Variants in PCDHGB5 observed in about 807,000 individuals in gnomAD.
PCDHGB5 encodes protocadherin gamma subfamily B, 5, also known as protocadherin gamma-B5.
In PCDHGB5, 48 loss-of-function variants were observed where a neutral mutation model predicts 62.9. That is an observed-to-expected ratio of 0.76 (90% CI 0.61 to 0.97). PCDHGB5 has a LOEUF of 0.97. Ranked by LOEUF, PCDHGB5 falls within the 50% of genes least tolerant of loss-of-function variation. The probability of loss-of-function intolerance (pLI) is 0.00; values close to 1 mark genes in which losing one functional copy is unlikely to be tolerated. For missense variants in PCDHGB5, 1,118 were observed against 1,198.6 expected (o/e 0.93, Z 0.99); for synonymous variants, 474 against 511.2 (o/e 0.93, Z 0.98).
At chr5:141,466,280 C>T (rs1181499549) in intron 1 of PCDHGB5, among the ~76,000 whole-genome samples, 1 of 152,142 alleles carries the variant, frequency 6.6e-6, no homozygotes, top group Admixed American at 6.6e-5. Flanking sequence ...AAGCAATCTT[C>T]CCACCTCAGG....
chr5:141,408,263 C>G, intron 1 of PCDHGB5: 1 of 1,606,854 alleles, frequency 6.2e-7, no homozygotes. Flanking sequence ...ATTTCCTTTG[C>G]TGCTGCCTTT....
chr5:141,475,550 TA>T (rs2099365126), intron 1 of PCDHGB5, among the ~76,000 whole-genome samples: 2 of 152,246 alleles, frequency 1.3e-5, no homozygotes, highest in Non-Finnish European at 2.9e-5. Context: ...AGGGTCCGGC[TA>T]ATTGTCTGTC....
chr5:141,489,254 C>T lies in PCDHGB5; in HGVS notation c.2398-5553C>T, dbSNP rs2099684538. 2 of 1,548,628 alleles carry T rather than the reference C, an allele frequency of 1.3e-6. No homozygotes were observed. Among genetic ancestry groups the T allele is most frequent in the African/African-American group, 1.4e-5 (1 of 73,008 alleles). ...GACTTCTGGGTCATGGGGCCCAAGA[C>T]ACTCCCACAGCTCGCTGGGAAATGG... is the stretch of plus-strand genomic sequence containing the variant. On this transcript the variant is annotated intron_variant, in intron 1 of 3. Transcript: ENST00000617380. This position sits in a 1 kb window ranked among gnomAD's most constrained non-coding sequence, Gnocchi z 4.5.
In PCDHGB5 at chr5:141,432,498, G is replaced by A. The variant is rs766191511; in HGVS notation, c.2397+31974G>A. Reference sequence around the variant, plus strand: ...TCCACTGGCGTGGAGCTGGCTCCCCGCTCCGCAGAGCCCGGCTACCTGGTG... The same window carrying A: ...TCCACTGGCGTGGAGCTGGCTCCCCACTCCGCAGAGCCCGGCTACCTGGTG... On this transcript the variant is annotated intron_variant, in intron 1 of 3. Coordinates refer to ENST00000617380, the MANE Select transcript of PCDHGB5 (RefSeq NM_018925.3). This position sits in a 1 kb window ranked among gnomAD's most constrained non-coding sequence, Gnocchi z 6.0. The A allele has an allele frequency of 1.9e-6, 3 of 1,614,106 alleles. No homozygotes were observed. The highest frequency in any genetic ancestry group is 2.5e-6 in the Non-Finnish European group (3 of 1,180,052).
intron 1 of PCDHGB5, among the ~76,000 whole-genome samples, chr5:141,459,109 C>A (rs1213203625): frequency 6.6e-6 from 1 of 152,174 alleles, no homozygotes; most frequent in Non-Finnish European, 1.5e-5. Context: ...TGCATTTTGA[C>A]AATTGTTTAC....
chr5:141,413,418 G>C (rs748857146), intron 1 of PCDHGB5: 1 of 1,614,084 alleles, frequency 6.2e-7, no homozygotes, highest in Admixed American at 1.7e-5. Context: ...TTTTCTCTCT[G>C]AACCCGCGCA....
chr5:141,496,513 G>A (rs1364297990), intron 2 of PCDHGB5, among the ~76,000 whole-genome samples: 1 of 152,140 alleles, frequency 6.6e-6, no homozygotes, highest in Non-Finnish European at 1.5e-5. Context: ...CAAGGACCCA[G>A]GAGCCCTTGG....
At chr5:141,482,761 ATT>A (rs2099571906) in intron 1 of PCDHGB5, among the ~76,000 whole-genome samples, 1 of 127,370 alleles carries the variant, frequency 7.9e-6, no homozygotes, top group Admixed American at 7.7e-5. Flanking sequence ...ATGGTATTTC[ATT>A]ATCACTGAAC....
Position 141,481,023 on chromosome 5 carries a change from A to G in PCDHGB5, c.2398-13784A>G, listed in dbSNP as rs546827260. On this transcript the variant is annotated intron_variant, in intron 1 of 3. Transcript: ENST00000617380. ...CAGTGAGCCCAGATCACACCACTGC[A>G]CTCCAGCCTGGGCGACAGAGCGAGA... Among the ~76,000 whole-genome samples the G allele has an allele frequency of 9.0e-4, 137 of 152,218 alleles. 1 individual carries two copies. The highest frequency in any genetic ancestry group is 3.2e-3 in the African/African-American group (132 of 41,516).
chr5:141,419,084 GC>G (rs1218012099), intron 1 of PCDHGB5: 1 of 1,613,802 alleles, frequency 6.2e-7, no homozygotes, highest in African/African-American at 1.3e-5. Flanking sequence ...AACAGATGAG[GC>G]CCTGGATCGG....
chr5:141,421,374 C>T, intron 1 of PCDHGB5: 1 of 1,614,062 alleles, frequency 6.2e-7, no homozygotes, highest in Non-Finnish European at 8.5e-7. Flanking sequence ...TGGGCAATAT[C>T]TCCAAGGACC....
At chr5:141,469,425 C>T (rs1035406646) in intron 1 of PCDHGB5, among the ~76,000 whole-genome samples, 1 of 151,622 alleles carries the variant, frequency 6.6e-6, no homozygotes, top group East Asian at 1.9e-4. Context: ...AAATATAAAA[C>T]TTAGCTGGGC....
intron 1 of PCDHGB5, among the ~76,000 whole-genome samples, chr5:141,406,226 A>G (rs888434232): frequency 4.6e-5 from 7 of 152,108 alleles, no homozygotes; most frequent in African/African-American, 1.7e-4. Flanking sequence ...TGGGAGGGCT[A>G]GCAAGCTATG....
intron 1 of PCDHGB5, chr5:141,414,747 C>T (rs556012378): frequency 6.2e-7 from 1 of 1,614,214 alleles, no homozygotes; most frequent in African/African-American, 1.3e-5. Flanking sequence ...TCAGATCCTT[C>T]GACTATGAGC....
chr5:141,415,740 GTTTTTTTTTTTTTT>G (rs57426385), intron 1 of PCDHGB5: 52 of 625,016 alleles, frequency 8.3e-5, no homozygotes, highest in East Asian at 4.1e-4. Context: ...GTTTATTAAG[GTTTTTTTTTTTTTT>G]TTTTTTTTTT....
chr5:141,491,712 G>A lies in PCDHGB5; in HGVS notation c.2398-3095G>A, dbSNP rs932849130. On this transcript the variant is annotated intron_variant, in intron 1 of 3. Coordinates refer to ENST00000617380, the MANE Select transcript of PCDHGB5 (RefSeq NM_018925.3). The surrounding 1 kb of genome is among the most constrained non-coding windows in gnomAD (Gnocchi z 6.9). Reference sequence around the variant, plus strand: ...GGGAGCGGAGCCAGGTGAGGGGCTCGGCGCCGCCCCGGGCGACCCCTGGGG... The same window carrying A: ...GGGAGCGGAGCCAGGTGAGGGGCTCAGCGCCGCCCCGGGCGACCCCTGGGG... The A allele has an allele frequency of 1.2e-6, 2 of 1,609,290 alleles. No homozygotes were observed. Among genetic ancestry groups the A allele is most frequent in the East Asian group, 2.2e-5 (1 of 44,760 alleles).
Position 141,418,145 on chromosome 5 carries a change from T to C in PCDHGB5, c.2397+17621T>C, listed in dbSNP as rs1329322927. On this transcript the variant is annotated intron_variant, in intron 1 of 3. Coordinates refer to ENST00000617380, the MANE Select transcript of PCDHGB5 (RefSeq NM_018925.3). ...GGACCGAATAGACCGTGAGCAAATATGCAAAGAGAGAAGAAGATGTGAGTT... is the reference window on the plus strand; with the variant it reads ...GGACCGAATAGACCGTGAGCAAATACGCAAAGAGAGAAGAAGATGTGAGTT... The C allele has an allele frequency of 5.6e-6, 9 of 1,613,934 alleles. No homozygotes were observed. In the African/African-American group the frequency reaches 8.0e-5, roughly 14 times the overall value.
chr5:141,497,374 T>C (rs2099776044), intron 2 of PCDHGB5, among the ~76,000 whole-genome samples: 1 of 152,112 alleles, frequency 6.6e-6, no homozygotes, highest in Non-Finnish European at 1.5e-5. Flanking sequence ...ATGTGTCCTC[T>C]GGGGTGAGCA....
At position 141,485,049 on chromosome 5, in the gene PCDHGB5, G is replaced by A; in HGVS notation, c.2398-9758G>A. The A allele has an allele frequency of 1.3e-6, 1 of 780,438 alleles. No individual in the cohort carries two copies. 48.3% of individuals were successfully genotyped at this position (780,438 alleles called of 1,614,324 possible). ...AACGGCGCGTAACCCTTGCGGCGCC[G>A]GCCGAACCGCGCCAGAGCTGGCGCG... On this transcript the variant is annotated intron_variant, in intron 1 of 3. Coordinates refer to ENST00000617380, the MANE Select transcript of PCDHGB5 (RefSeq NM_018925.3). This position sits in a 1 kb window ranked among gnomAD's most constrained non-coding sequence, Gnocchi z 5.7.
Sources: gnomAD v4.1 joint callset for allele counts (sites outside exome capture counted in the v4.1 genomes callset) on GRCh38, gnomAD v4.1.1 for gene constraint, Gnocchi (gnomAD v3.1) non-coding constraint, MANE v1.5 for transcripts, NCBI Gene and HGNC (gene_info 2026-07-23, HGNC 2026-07-21) for gene names.